The following PFKFB3 variants were observed in gnomAD, a reference collection of about 807,000 sequenced individuals.
The protein encoded by PFKFB3 is 6-phosphofructo-2-kinase/fructose-2,6-bisphosphatase 3.
Under a neutral mutation model 68.0 loss-of-function variants are expected in PFKFB3, and 33 were observed. The observed-to-expected ratio is 0.49, with a 90% confidence interval of 0.37 to 0.65. PFKFB3 has a LOEUF of 0.65. Ranked by LOEUF, PFKFB3 falls within the 30% of genes least tolerant of loss-of-function variation. The pLI is 0.00. For synonymous variants in PFKFB3, 315 were observed against 288.2 expected (o/e 1.09, Z -0.94); for missense variants, 586 against 712.2 (o/e 0.82, Z 2.02).
intron 14 of PFKFB3, among the ~76,000 whole-genome samples, chr10:6,245,142 G>T (rs534735437): frequency 7.9e-5 from 12 of 152,240 alleles, no homozygotes; most frequent in African/African-American, 2.4e-4. Flanking sequence ...TGTTGCCCAG[G>T]CTGGAATGCA....
chr10:6,161,439 A>G (rs1428157154), intron 1 of PFKFB3, among the ~76,000 whole-genome samples: 2 of 152,196 alleles, frequency 1.3e-5, no homozygotes, highest in African/African-American at 4.8e-5. Flanking sequence ...AGTCACTCAC[A>G]AAGTGTGAAT....
chr10:6,179,328 ATCTGCGCTGCGC>A (rs1034248915), intron 1 of PFKFB3, among the ~76,000 whole-genome samples: 1 of 152,252 alleles, frequency 6.6e-6, no homozygotes, highest in African/African-American at 2.4e-5. Context: ...GCCCAAACTC[ATCTGCGCTGCGC>A]TGCTTTTGAG....
the PFKFB3 span, among the ~76,000 whole-genome samples, chr10:6,278,268 G>A: frequency 6.6e-6 from 1 of 150,884 alleles, no homozygotes; most frequent in Non-Finnish European, 1.5e-5. Flanking sequence ...GTCAGCCATT[G>A]TTGATTTTTT....
chr10:6,298,738 G>T, the PFKFB3 span, among the ~76,000 whole-genome samples: 2 of 152,162 alleles, frequency 1.3e-5, no homozygotes, highest in African/African-American at 4.8e-5. Flanking sequence ...GAGCATTCCA[G>T]CTGTGAATGG....
chr10:6,285,225 A>ATTTTTTTTTTTTTTTTTTTTTTTT, the PFKFB3 span, among the ~76,000 whole-genome samples: 1 of 139,462 alleles, frequency 7.2e-6, no homozygotes, highest in African/African-American at 2.6e-5. Flanking sequence ...TACAATCTCT[A>ATTTTTTTTTTTTTTTTTTTTTTTT]TTTTTTTTTT....
the PFKFB3 span, among the ~76,000 whole-genome samples, chr10:6,270,750 C>T: frequency 6.6e-6 from 1 of 152,150 alleles, no homozygotes; most frequent in Admixed American, 6.5e-5. Flanking sequence ...CACATGCCTC[C>T]TTTGTAGGAC....
the PFKFB3 span, among the ~76,000 whole-genome samples, chr10:6,314,527 C>G: frequency 6.6e-6 from 1 of 152,172 alleles, no homozygotes; most frequent in Non-Finnish European, 1.5e-5. Flanking sequence ...GTCCTATGTG[C>G]TCTTTACAGT....
chr10:6,213,759 G>C lies in PFKFB3; in HGVS notation c.202+11G>C, dbSNP rs1415194991. The C allele has an allele frequency of 6.2e-7, 1 of 1,610,488 alleles. No homozygotes were observed. The highest frequency in any genetic ancestry group is 8.5e-7 in the Non-Finnish European group (1 of 1,178,488). ...GCGTCCCCACAAAAGGTGAGACTGG[G>C]TCTCGAGGCCGGACCCCTGCTCGTG... On this transcript the variant is annotated intron_variant, in intron 2 of 14. Transcript: ENST00000379775.
chr10:6,276,312 A>T, the PFKFB3 span, among the ~76,000 whole-genome samples: 1 of 152,184 alleles, frequency 6.6e-6, no homozygotes, highest in South Asian at 2.1e-4. Flanking sequence ...GTGTCATAAA[A>T]ATATTTTAGA....
intron 1 of PFKFB3, among the ~76,000 whole-genome samples, chr10:6,179,021 G>A (rs1184537389): frequency 6.6e-6 from 1 of 152,200 alleles, no homozygotes; most frequent in Non-Finnish European, 1.5e-5. Flanking sequence ...TCTCCCTGGT[G>A]GAGTCGTTCT....
At chr10:6,225,318 C>T (rs917404206) in intron 13 of PFKFB3, 30 of 414,700 alleles carry the variant, frequency 7.2e-5, no homozygotes, top group Non-Finnish European at 1.2e-4. Flanking sequence ...CCGCCCCAGT[C>T]GCTGGCAGTT....
chr10:6,307,526 C>CTTCT, the PFKFB3 span, among the ~76,000 whole-genome samples: 51 of 141,634 alleles, frequency 3.6e-4, no homozygotes, highest in African/African-American at 1.3e-3. Flanking sequence ...TCCTTCCTTC[C>CTTCT]TTCCTTCCTT....
chr10:6,223,243 C>T (rs1845089226), intron 11 of PFKFB3, among the ~76,000 whole-genome samples: 1 of 152,182 alleles, frequency 6.6e-6, no homozygotes, highest in Admixed American at 6.5e-5. Context: ...CTGAGACCCG[C>T]CCCTGGCTCC....
the PFKFB3 span, among the ~76,000 whole-genome samples, chr10:6,315,430 C>T: frequency 1.3e-5 from 2 of 152,164 alleles, no homozygotes; most frequent in Non-Finnish European, 2.9e-5. Flanking sequence ...TCTAGAGCTG[C>T]ATGATTATTC....
chr10:6,172,660 A>G (rs1391898369), intron 1 of PFKFB3, among the ~76,000 whole-genome samples: 1 of 152,024 alleles, frequency 6.6e-6, no homozygotes, highest in Non-Finnish European at 1.5e-5. Flanking sequence ...CATCTCTACA[A>G]AAAATTAAAA....
Position 6,228,665 on chromosome 10 carries a change from C to A in PFKFB3, c.1515+2300C>A, listed in dbSNP as rs1190210633. 7.1e-6 allele frequency among the ~76,000 whole-genome samples: 1 copy of A among 140,716 alleles called. No homozygotes were observed. Among genetic ancestry groups the A allele is most frequent in the Non-Finnish European group, 1.6e-5 (1 of 63,716 alleles). 92.3% of individuals were successfully genotyped at this position (140,716 alleles called of 152,430 possible). On this transcript the variant is annotated intron_variant, in intron 14 of 14. Coordinates refer to ENST00000379775, the MANE Select transcript of PFKFB3 (RefSeq NM_004566.4). This position sits in a 1 kb window ranked among gnomAD's most constrained non-coding sequence, Gnocchi z 4.5. ...AAGGAAAACTTACTCAGAGCCTAAT[C>A]TGTAAACCAAACCTATGGGGAATAG...
At chr10:6,285,385 C>T in the PFKFB3 span, among the ~76,000 whole-genome samples, 44 of 152,062 alleles carry the variant, frequency 2.9e-4, no homozygotes, top group Non-Finnish European at 5.4e-4. Context: ...AGGCATGTGC[C>T]ACCATATCTG....
Position 6,154,238 on chromosome 10 carries a change from G to T in PFKFB3, c.16+9225G>T, listed in dbSNP as rs983633373. On this transcript the variant is annotated intron_variant, in intron 1 of 14. Transcript: ENST00000379789. The surrounding 1 kb of genome is among the most constrained non-coding windows in gnomAD (Gnocchi z 4.6). ...CTGGGAGGGTTTTGGTGGAGGTGTGGGCTGAATTAATTTTTTTTTTTTTTT... is the reference window on the plus strand; with the variant it reads ...CTGGGAGGGTTTTGGTGGAGGTGTGTGCTGAATTAATTTTTTTTTTTTTTT... 1.3e-5 allele frequency among the ~76,000 whole-genome samples: 2 copies of T among 150,010 alleles called. No individual in the cohort carries two copies. Among genetic ancestry groups the T allele is most frequent in the Admixed American group, 1.3e-4 (2 of 15,054 alleles).
the PFKFB3 span, among the ~76,000 whole-genome samples, chr10:6,282,039 G>A: frequency 8.5e-3 from 1,279 of 150,932 alleles, 16 homozygotes; most frequent in African/African-American, 0.029. Flanking sequence ...GCACCTTCAC[G>A]GCACACTACA....
Sources: allele counts gnomAD v4.1 joint callset (sites outside exome capture counted in the v4.1 genomes callset), GRCh38; gene constraint gnomAD v4.1.1; non-coding constraint Gnocchi (gnomAD v3.1); transcripts MANE v1.5; gene names NCBI Gene and HGNC (gene_info 2026-07-23, HGNC 2026-07-21).